The following BTRC variants were observed in gnomAD, a reference collection of about 807,000 sequenced individuals.
BTRC encodes the protein beta-transducin repeat containing E3 ubiquitin protein ligase, also known as F-box/WD repeat-containing protein 1A.
A neutral mutation model predicts 85.5 loss-of-function variants in BTRC; 42 were observed. The ratio of observed to expected loss-of-function variants is 0.49; its 90% CI spans 0.38 to 0.64. The LOEUF (loss-of-function observed/expected upper bound fraction) is 0.64, where lower values mean the gene tolerates loss of function less well. Among genes scored for constraint, BTRC ranks in the 30% least tolerant of loss-of-function variants. The probability of loss-of-function intolerance (pLI) is 0.00; values close to 1 mark genes in which losing one functional copy is unlikely to be tolerated. For synonymous variants in BTRC, 255 were observed against 263.3 expected (o/e 0.97, Z 0.30); for missense variants, 594 against 743.5 (o/e 0.80, Z 2.34).
intron 1 of BTRC, among the ~76,000 whole-genome samples, chr10:101,373,700 G>A (rs967723409): frequency 6.6e-6 from 1 of 152,064 alleles, no homozygotes; most frequent in African/African-American, 2.4e-5. Flanking sequence ...GGCGGATCAC[G>A]AGGTCAGGAG....
At chr10:101,393,660 C>T (rs191905155) in intron 1 of BTRC, among the ~76,000 whole-genome samples, 50 of 152,258 alleles carry the variant, frequency 3.3e-4, no homozygotes, top group African/African-American at 1.2e-3. Flanking sequence ...CACATTTGGT[C>T]ACAGAGAAGT....
At chr10:101,440,021 G>T (rs1041745211) in intron 2 of BTRC, among the ~76,000 whole-genome samples, 5 of 152,118 alleles carry the variant, frequency 3.3e-5, no homozygotes, top group African/African-American at 1.2e-4. Context: ...TTTAAAATTT[G>T]GGGAAGAAAA....
chr10:101,387,528 C>CTTTTGTTTTTTTTTTTTTTTTTTTTT (rs1943111053), intron 1 of BTRC, among the ~76,000 whole-genome samples: 1 of 45,122 alleles, frequency 2.2e-5, no homozygotes, highest in Non-Finnish European at 3.4e-5. Context: ...CTTCATGGGA[C>CTTTTGTTTTTTTTTTTTTTTTTTTTT]TTTTTTTTTT....
intron 3 of BTRC, among the ~76,000 whole-genome samples, chr10:101,471,057 G>A (rs1266411809): frequency 6.6e-6 from 1 of 152,194 alleles, no homozygotes; most frequent in Non-Finnish European, 1.5e-5. Flanking sequence ...AATGATAGGT[G>A]TCTATCCTTG....
intron 3 of BTRC, among the ~76,000 whole-genome samples, chr10:101,476,542 G>A (rs377549407): frequency 6.6e-6 from 1 of 151,942 alleles, no homozygotes; most frequent in Non-Finnish European, 1.5e-5. Context: ...CATAATCATA[G>A]CTCCCTGCAG....
At chr10:101,412,010 CTCCTAGTGAATG>C (rs1203586409) in intron 1 of BTRC, among the ~76,000 whole-genome samples, 1 of 152,128 alleles carries the variant, frequency 6.6e-6, no homozygotes, top group Non-Finnish European at 1.5e-5. Context: ...CTTTCTAAGG[CTCCTAGTGAATG>C]TCATAAGTAT....
At chr10:101,393,742 A>G (rs1284836109) in intron 1 of BTRC, among the ~76,000 whole-genome samples, 2 of 152,170 alleles carry the variant, frequency 1.3e-5, no homozygotes, top group Non-Finnish European at 1.5e-5. Flanking sequence ...CTTTCCCTAC[A>G]CACTCCCCCA....
At chr10:101,396,178 G>C (rs1943357460) in intron 1 of BTRC, among the ~76,000 whole-genome samples, 1 of 150,752 alleles carries the variant, frequency 6.6e-6, no homozygotes. Flanking sequence ...AAAACACACT[G>C]TCTTTGCTCT....
At chr10:101,547,145 T>C (rs1225854916) in intron 13 of BTRC, among the ~76,000 whole-genome samples, 1 of 152,078 alleles carries the variant, frequency 6.6e-6, no homozygotes, top group African/African-American at 2.4e-5. Flanking sequence ...GATAGTTTCA[T>C]TTACAACAGG....
intron 4 of BTRC, among the ~76,000 whole-genome samples, chr10:101,481,241 G>A (rs1174610191): frequency 6.6e-6 from 1 of 152,202 alleles, no homozygotes; most frequent in Non-Finnish European, 1.5e-5. Flanking sequence ...ACTGCACCCA[G>A]CCCAAGTCTA....
intron 2 of BTRC, among the ~76,000 whole-genome samples, chr10:101,461,229 T>A (rs371049035): frequency 6.6e-6 from 1 of 152,206 alleles, no homozygotes; most frequent in African/African-American, 2.4e-5. Context: ...ATATTAATGT[T>A]ATTAATGTTA....
chr10:101,386,978 C>T (rs1331722884), intron 1 of BTRC, among the ~76,000 whole-genome samples: 1 of 152,236 alleles, frequency 6.6e-6, no homozygotes, highest in East Asian at 1.9e-4. Flanking sequence ...GATTCCGTTT[C>T]ACTTTTTTCC....
At chr10:101,355,810 C>CT (rs1158862262) in intron 1 of BTRC, among the ~76,000 whole-genome samples, 22 of 152,086 alleles carry the variant, frequency 1.4e-4, no homozygotes, top group African/African-American at 5.3e-4. Context: ...TTAGTGTTTT[C>CT]GAAAACACCT....
chr10:101,393,942 G>C (rs1028660643), intron 1 of BTRC, among the ~76,000 whole-genome samples: 4 of 152,198 alleles, frequency 2.6e-5, no homozygotes, highest in Non-Finnish European at 5.9e-5. Context: ...AACAAGCATA[G>C]CCAGTGTAAT....
At chr10:101,498,491 C>T (rs9419915) in intron 4 of BTRC, among the ~76,000 whole-genome samples, 55,866 of 152,014 alleles carry the variant, frequency 0.37, 11,516 homozygotes, top group Middle Eastern at 0.49. Flanking sequence ...CACATCATAA[C>T]TCTTTTTTCT....
intron 1 of BTRC, among the ~76,000 whole-genome samples, chr10:101,355,400 C>T (rs1161967684): frequency 1.3e-5 from 2 of 152,134 alleles, no homozygotes; most frequent in Non-Finnish European, 2.9e-5. Context: ...CTTTGTATCA[C>T]GCTTTTCTTT....
intron 4 of BTRC, among the ~76,000 whole-genome samples, chr10:101,511,640 C>G (rs1211283153): frequency 2.0e-5 from 3 of 152,146 alleles, no homozygotes; most frequent in African/African-American, 7.2e-5. Flanking sequence ...ACTGTAACCT[C>G]TGCCTCCCGG....
chr10:101,546,468 CAT>C (rs201503432), intron 13 of BTRC, among the ~76,000 whole-genome samples: 611 of 152,016 alleles, frequency 4.0e-3, no homozygotes, highest in Non-Finnish European at 6.6e-3. Flanking sequence ...TTATGGGGAA[CAT>C]GTGATGTTTT....
intron 6 of BTRC, among the ~76,000 whole-genome samples, chr10:101,530,846 A>T (rs1029719861): frequency 7.2e-5 from 11 of 152,198 alleles, no homozygotes; most frequent in African/African-American, 2.2e-4. Context: ...GGTAACCGTG[A>T]AAACACTTTC....
Sources: gnomAD v4.1 joint callset for allele counts (sites outside exome capture counted in the v4.1 genomes callset) on GRCh38, gnomAD v4.1.1 for gene constraint, MANE v1.5 for transcripts, NCBI Gene and HGNC (gene_info 2026-07-23, HGNC 2026-07-21) for gene names.